The following PLA2G4A variants were observed in gnomAD, a reference collection of about 807,000 sequenced individuals.
PLA2G4A encodes cytosolic phospholipase A2.
PLA2G4A carries 40 observed loss-of-function variants against 81.9 expected under a neutral mutation model. The observed-to-expected ratio is 0.49, with a 90% CI of 0.38 to 0.64. The LOEUF is 0.64. PLA2G4A is among the 30% of genes least tolerant of loss of function. The probability of loss-of-function intolerance (pLI) is 0.00; values close to 1 mark genes in which losing one functional copy is unlikely to be tolerated. For missense variants in PLA2G4A, 715 were observed against 905.1 expected, an observed-to-expected ratio of 0.79 and a Z score of 2.69; for synonymous variants, 302 against 296.9, an observed-to-expected ratio of 1.02 and a Z score of -0.18.
At position 186,939,316 on chromosome 1, in the gene PLA2G4A, A is replaced by C. The variant is rs1656064856; in HGVS notation, c.918+86A>C. 3 of 591,566 alleles carry C rather than the reference A, an allele frequency of 5.1e-6. No homozygotes were observed. The South Asian group carries it at 8.1e-5, about 16-fold the overall frequency. 36.6% of individuals were successfully genotyped at this position (591,566 alleles called of 1,614,324 possible). ...TATATTTTAAATAAAAGAAAATGTA[A>C]TACATTTTATAAAAGTCAGTGGACT... On this transcript the variant is annotated intron_variant, in intron 9 of 17. Coordinates refer to ENST00000367466, the MANE Select transcript of PLA2G4A (RefSeq NM_024420.3).
At chr1:186,887,553 G>C (rs1219147919) in intron 3 of PLA2G4A, among the ~76,000 whole-genome samples, 1 of 152,086 alleles carries the variant, frequency 6.6e-6, no homozygotes, top group East Asian at 1.9e-4. Context: ...TAGATAAAAG[G>C]ATGAGATGTA....
chr1:186,931,638 T>G (rs1655748923), intron 7 of PLA2G4A, among the ~76,000 whole-genome samples: 1 of 152,010 alleles, frequency 6.6e-6, no homozygotes, highest in Admixed American at 6.6e-5. Flanking sequence ...CTGGCTTCCT[T>G]ACAACTACTA....
At chr1:186,934,831 C>T (rs988392197) in intron 8 of PLA2G4A, among the ~76,000 whole-genome samples, 1 of 151,900 alleles carries the variant, frequency 6.6e-6, no homozygotes, top group Non-Finnish European at 1.5e-5. Context: ...ATTTCATCCT[C>T]TCTGATTGGC....
At chr1:186,846,000 A>G (rs1483205410) in intron 1 of PLA2G4A, among the ~76,000 whole-genome samples, 1 of 152,210 alleles carries the variant, frequency 6.6e-6, no homozygotes, top group African/African-American at 2.4e-5. Context: ...TACACTCACT[A>G]AGACTGGTTA....
intron 17 of PLA2G4A, among the ~76,000 whole-genome samples, chr1:186,980,755 T>C (rs1458636232): frequency 7.6e-6 from 1 of 131,612 alleles, no homozygotes; most frequent in Non-Finnish European, 1.8e-5. Context: ...CCATAATATA[T>C]TTGTTAATTA....
At chr1:186,927,264 A>G (rs1449811200) in intron 7 of PLA2G4A, among the ~76,000 whole-genome samples, 1 of 152,204 alleles carries the variant, frequency 6.6e-6, no homozygotes, top group Non-Finnish European at 1.5e-5. Flanking sequence ...ACTTGCTGTT[A>G]GAACAGTGTC....
At chr1:186,879,322 A>G (rs1571359643) in intron 3 of PLA2G4A, among the ~76,000 whole-genome samples, 1 of 152,144 alleles carries the variant, frequency 6.6e-6, no homozygotes, top group Middle Eastern at 3.4e-3. Flanking sequence ...AATATAACCC[A>G]GTGCGTATTC....
intron 17 of PLA2G4A, 94 bp downstream of exon 17, chr1:186,979,566 G>C: frequency 3.4e-6 from 3 of 889,540 alleles, no homozygotes; most frequent in South Asian, 1.4e-5. Context: ...AAAAAAATAA[G>C]TGTTATGAAT....
intron 14 of PLA2G4A, among the ~76,000 whole-genome samples, chr1:186,962,180 T>C (rs1169977244): frequency 6.6e-6 from 1 of 152,130 alleles, no homozygotes; most frequent in African/African-American, 2.4e-5. Context: ...CATAGTGTTA[T>C]AATTGTTCTC....
chr1:186,927,641 CA>C (rs1449510397), intron 7 of PLA2G4A, among the ~76,000 whole-genome samples: 3 of 152,126 alleles, frequency 2.0e-5, no homozygotes, highest in African/African-American at 7.2e-5. Context: ...GACCATATTT[CA>C]GTTTAAACAA....
intron 10 of PLA2G4A, among the ~76,000 whole-genome samples, chr1:186,945,755 C>A (rs1656316705): frequency 6.6e-6 from 1 of 152,122 alleles, no homozygotes; most frequent in South Asian, 2.1e-4. Context: ...AAATGGGAAT[C>A]AGAAACCAGG....
chr1:186,934,920 G>A (rs1571416823), intron 8 of PLA2G4A, among the ~76,000 whole-genome samples: 1 of 151,414 alleles, frequency 6.6e-6, no homozygotes, highest in African/African-American at 2.4e-5. Flanking sequence ...TTCTCTTTTG[G>A]TCCATTATAT....
At chr1:186,939,254 T>A (rs919849201) in intron 9 of PLA2G4A, 24 bp downstream of exon 9, 1 of 991,186 alleles carries the variant, frequency 1.0e-6, no homozygotes, top group South Asian at 1.3e-5. Flanking sequence ...CAATCTACAC[T>A]GCTTTTATAA....
intron 8 of PLA2G4A, among the ~76,000 whole-genome samples, chr1:186,935,937 C>A (rs1655928661): frequency 6.6e-6 from 1 of 151,814 alleles, no homozygotes. Flanking sequence ...GTAATTACTT[C>A]TGAAATTAAT....
intron 1 of PLA2G4A, among the ~76,000 whole-genome samples, chr1:186,850,918 A>G (rs1652350507): frequency 6.6e-6 from 1 of 152,124 alleles, no homozygotes; most frequent in Non-Finnish European, 1.5e-5. Context: ...CTACTGTCAC[A>G]ACAATAATTA....
intron 15 of PLA2G4A, among the ~76,000 whole-genome samples, chr1:186,969,194 T>G (rs1212620370): frequency 6.6e-6 from 1 of 151,814 alleles, no homozygotes; most frequent in East Asian, 1.9e-4. Flanking sequence ...TTCCATTGTT[T>G]TTATTCTTTC....
At chr1:186,855,100 C>A (rs950755270) in intron 2 of PLA2G4A, among the ~76,000 whole-genome samples, 2 of 151,932 alleles carry the variant, frequency 1.3e-5, no homozygotes, top group African/African-American at 2.4e-5. Context: ...CTTTCTTGCC[C>A]TCCTTGGATG....
intron 5 of PLA2G4A, among the ~76,000 whole-genome samples, chr1:186,903,195 A>C (rs948956838): frequency 2.0e-5 from 3 of 152,216 alleles, no homozygotes; most frequent in African/African-American, 7.2e-5. Context: ...AAAGATGTGA[A>C]TAATGATTGA....
At chr1:186,988,343 G>T in intron 17 of PLA2G4A, 34 bp from the exon 18 acceptor site, 1 of 1,568,134 alleles carries the variant, frequency 6.4e-7, no homozygotes, top group Non-Finnish European at 8.8e-7. Flanking sequence ...GTTCATAGCA[G>T]CGCTAATTAT....
Sources: allele counts gnomAD v4.1 joint callset (sites outside exome capture counted in the v4.1 genomes callset), GRCh38; gene constraint gnomAD v4.1.1; transcripts MANE v1.5; gene names NCBI Gene and HGNC (gene_info 2026-07-23, HGNC 2026-07-21).